ADAMTS3: variants seen among roughly 807,000 people sequenced by gnomAD.
The protein encoded by ADAMTS3 is ADAM metallopeptidase with thrombospondin type 1 motif 3, also known as A disintegrin and metalloproteinase with thrombospondin motifs 3.
In ADAMTS3, 73 loss-of-function variants were observed where a neutral mutation model predicts 129.0. The ratio of observed to expected loss-of-function variants is 0.57; its 90% CI spans 0.47 to 0.69. The LOEUF (loss-of-function observed/expected upper bound fraction) is 0.69. ADAMTS3 is among the 30% of genes least tolerant of loss of function. The pLI is 0.00. For synonymous variants in ADAMTS3, 477 were observed against 510.8 expected (o/e 0.93, Z 0.89); for missense variants, 1,457 against 1,514.5 (o/e 0.96, Z 0.63).
In ADAMTS3 at chr4:72,430,701, T is replaced by G. The variant is rs1390351654; in HGVS notation, c.505-15730A>C. On this transcript the variant is annotated intron_variant, in intron 3 of 21. Coordinates refer to ENST00000286657, the MANE Select transcript of ADAMTS3 (RefSeq NM_014243.3). ...AAAACTGCAAGAATGGAATTAGAGT[T>G]AATGTAGAGAAAGGATATCTACTAA... Among the ~76,000 whole-genome samples the G allele has an allele frequency of 3.3e-5, 5 of 151,920 alleles. No individual in the cohort carries two copies. The East Asian group carries it at 9.7e-4, about 30-fold the overall frequency.
At chr4:72,372,600 T>C (rs913975345) in intron 4 of ADAMTS3, among the ~76,000 whole-genome samples, 13 of 152,010 alleles carry the variant, frequency 8.6e-5, no homozygotes, top group Non-Finnish European at 1.0e-4. Context: ...ATTGACAAAC[T>C]GTGAGAATTA....
intron 5 of ADAMTS3, among the ~76,000 whole-genome samples, chr4:72,327,200 T>C (rs1719721181): frequency 1.3e-5 from 2 of 152,128 alleles, no homozygotes; most frequent in Admixed American, 6.5e-5. Context: ...TCTGGCTGTT[T>C]TTAACACTCA....
chr4:72,470,492 T>C (rs1719044223), intron 3 of ADAMTS3, among the ~76,000 whole-genome samples: 1 of 150,910 alleles, frequency 6.6e-6, no homozygotes, highest in Non-Finnish European at 1.5e-5. Flanking sequence ...TATACACACA[T>C]ATAATACACA....
chr4:72,382,084 C>G (rs1034261092), intron 4 of ADAMTS3, among the ~76,000 whole-genome samples: 1 of 152,112 alleles, frequency 6.6e-6, no homozygotes, highest in South Asian at 2.1e-4. Flanking sequence ...AACTTAAGCT[C>G]TACAAGGCTA....
chr4:72,433,464 T>C (rs892236175), intron 3 of ADAMTS3, among the ~76,000 whole-genome samples: 2 of 151,932 alleles, frequency 1.3e-5, no homozygotes, highest in African/African-American at 4.8e-5. Flanking sequence ...GACCCTGGTA[T>C]ATTAAATATG....
intron 3 of ADAMTS3, among the ~76,000 whole-genome samples, chr4:72,421,484 C>T (rs1022235358): frequency 2.6e-5 from 4 of 152,154 alleles, no homozygotes; most frequent in African/African-American, 4.8e-5. Context: ...AATAAAACAC[C>T]TTAGATTTAG....
At chr4:72,335,684 GTC>G (rs1719970943) in intron 5 of ADAMTS3, among the ~76,000 whole-genome samples, 2 of 151,942 alleles carry the variant, frequency 1.3e-5, no homozygotes, top group African/African-American at 4.8e-5. Flanking sequence ...CATTTTCAAA[GTC>G]TCTGTTTCCT....
At chr4:72,443,954 T>C (rs1718185235) in intron 3 of ADAMTS3, among the ~76,000 whole-genome samples, 1 of 151,726 alleles carries the variant, frequency 6.6e-6, no homozygotes. Flanking sequence ...GACAAAGTCA[T>C]ATATTTATGG....
At chr4:72,464,700 C>T (rs1718871564) in intron 3 of ADAMTS3, among the ~76,000 whole-genome samples, 1 of 152,014 alleles carries the variant, frequency 6.6e-6, no homozygotes, top group South Asian at 2.1e-4. Flanking sequence ...ATAAAAACTA[C>T]ATCCTGAAAG....
In ADAMTS3 at chr4:72,548,491, T is replaced by C. The variant is rs1375367628; in HGVS notation, c.491A>G (p.Asn164Ser). The C allele has an allele frequency of 1.2e-6, 2 of 1,613,608 alleles. No homozygotes were observed. Among genetic ancestry groups the C allele is most frequent in the Non-Finnish European group, 1.7e-6 (2 of 1,179,682 alleles). ...DIPGTSVAIS[N>S]CDGLAGMIKS... Reference sequence around the variant, plus strand: ...AAGGAGTCTTACCAGACCATCACAGTTGCTGATGGCAACAGAGGTTCCTGG... The same window carrying C: ...AAGGAGTCTTACCAGACCATCACAGCTGCTGATGGCAACAGAGGTTCCTGG... The change falls in exon 3 of 22, where the codon AAC (asparagine) becomes AGC (serine). Residue 164 changes from asparagine (N) to serine (S), a missense_variant. By Grantham distance (46) the Asn-to-Ser change is conservative. Coordinates refer to ENST00000286657, the MANE Select transcript of ADAMTS3 (RefSeq NM_014243.3).
intron 4 of ADAMTS3, among the ~76,000 whole-genome samples, chr4:72,405,539 C>G (rs1374083293): frequency 6.6e-6 from 1 of 152,036 alleles, no homozygotes; most frequent in Non-Finnish European, 1.5e-5. Flanking sequence ...TAATGGTAGG[C>G]CTGGAGACTA....
chr4:72,517,803 AT>A (rs1186385376), intron 3 of ADAMTS3, among the ~76,000 whole-genome samples: 2 of 151,232 alleles, frequency 1.3e-5, no homozygotes, highest in Admixed American at 1.3e-4. Context: ...GGATTCATTG[AT>A]TTTTTGAAGG....
chr4:72,334,884 G>A (rs1237932198), intron 5 of ADAMTS3, among the ~76,000 whole-genome samples: 1 of 151,856 alleles, frequency 6.6e-6, no homozygotes, highest in African/African-American at 2.4e-5. Flanking sequence ...TAGGAAGCTT[G>A]GTGAAATGTC....
chr4:72,568,821 C>T lies in ADAMTS3; in HGVS notation c.-59G>A. ...AAGCAAATGCCCAGAGCAAACCCAC[C>T]CCCCCCGCCCAAAATAAGTTTCTTT... On this transcript the variant is annotated 5_prime_UTR_variant, in exon 1 of 22. Coordinates refer to ENST00000286657, the MANE Select transcript of ADAMTS3 (RefSeq NM_014243.3). 2 of 1,161,416 alleles carry T rather than the reference C, an allele frequency of 1.7e-6. No homozygotes were observed. The highest frequency in any genetic ancestry group is 2.4e-6 in the Non-Finnish European group (2 of 834,562). 71.9% of individuals were successfully genotyped at this position (1,161,416 alleles called of 1,614,324 possible).
rs143991310 is a variant in ADAMTS3 at position 72,413,536 on chromosome 4, C to T, written c.661+1279G>A. Among the ~76,000 whole-genome samples the T allele has an allele frequency of 6.5e-3, 991 of 152,022 alleles. 6 individuals carry two copies. The highest frequency in any genetic ancestry group is 0.023 in the African/African-American group (942 of 41,518). ...TTTAACAAAACTCTTAACATGCAAA[C>T]CTTCTGCAAAGATATTAAATATTAA... On this transcript the variant is annotated intron_variant, in intron 4 of 21. Coordinates refer to ENST00000286657, the MANE Select transcript of ADAMTS3 (RefSeq NM_014243.3).
intron 3 of ADAMTS3, among the ~76,000 whole-genome samples, chr4:72,502,180 G>A (rs1166486219): frequency 6.6e-6 from 1 of 152,084 alleles, no homozygotes; most frequent in Non-Finnish European, 1.5e-5. Flanking sequence ...AGTAGTTACA[G>A]TATGATTAGT....
At chr4:72,506,973 T>A (rs1417775118) in intron 3 of ADAMTS3, among the ~76,000 whole-genome samples, 5 of 152,308 alleles carry the variant, frequency 3.3e-5, no homozygotes, top group South Asian at 4.1e-4. Flanking sequence ...TAATCCACCT[T>A]CTTCTAAATT....
chr4:72,367,423 T>A lies in ADAMTS3; in HGVS notation c.662-27730A>T, dbSNP rs560267989. Among the ~76,000 whole-genome samples, 25 of 152,308 alleles carry A rather than the reference T, an allele frequency of 1.6e-4. 2 individuals are homozygous for A. In the South Asian group the frequency reaches 5.2e-3, roughly 32 times the overall value. On this transcript the variant is annotated intron_variant, in intron 4 of 21. Coordinates refer to ENST00000286657, the MANE Select transcript of ADAMTS3 (RefSeq NM_014243.3). ...GTTTTGTCAAACAAGTGCAGATTTA[T>A]TTATTGTGTATTATAAAAAGCACCA...
chr4:72,478,913 A>C (rs1438172208), intron 3 of ADAMTS3, among the ~76,000 whole-genome samples: 1 of 151,920 alleles, frequency 6.6e-6, no homozygotes, highest in East Asian at 1.9e-4. Flanking sequence ...ACAAACAGAG[A>C]GCCAAATCAT....
Sources: gnomAD v4.1 joint callset for allele counts (sites outside exome capture counted in the v4.1 genomes callset) on GRCh38, gnomAD v4.1.1 for gene constraint, MANE v1.5 for transcripts, NCBI Gene and HGNC (gene_info 2026-07-23, HGNC 2026-07-21) for gene names.